Variants in ACE observed in about 807,000 individuals in gnomAD.
ACE encodes angiotensin-converting enzyme.
In ACE, 122 loss-of-function variants were observed where a neutral mutation model predicts 162.3. The ratio of observed to expected loss-of-function variants is 0.75; its 90% CI spans 0.65 to 0.87. The LOEUF (loss-of-function observed/expected upper bound fraction) is 0.87. Among genes scored for constraint, ACE ranks in the 40% least tolerant of loss-of-function variants. The pLI, the probability that ACE is intolerant of heterozygous loss-of-function variation, is 0.00. For synonymous variants in ACE, 796 were observed against 720.6 expected (o/e 1.10, Z -1.68); for missense variants, 1,799 against 1,735.1 (o/e 1.04, Z -0.65).
At chr17:63,482,375 C>A in intron 7 of ACE, 91 bp from the exon 8 acceptor site, 1 of 1,175,836 alleles carries the variant, frequency 8.5e-7, no homozygotes, top group South Asian at 1.3e-5. Flanking sequence ...CCTCCTCATT[C>A]CTGTCTTTCA....
intron 22 of ACE, chr17:63,496,185 A>C: frequency 1.5e-6 from 1 of 660,426 alleles, no homozygotes; most frequent in South Asian, 1.8e-5. Context: ...GCATCTACAC[A>C]GGCACGGCTA....
intron 4 of ACE, 64 bp downstream of exon 4, chr17:63,479,976 G>A (rs1174944326): frequency 6.4e-6 from 10 of 1,555,160 alleles, no homozygotes; most frequent in Non-Finnish European, 4.3e-6. Context: ...TCTCCCCAGA[G>A]TCCCAGCCCA....
At chr17:63,487,465 T>C (rs966492116) in intron 15 of ACE, among the ~76,000 whole-genome samples, 3 of 152,022 alleles carry the variant, frequency 2.0e-5, no homozygotes, top group African/African-American at 7.2e-5. Context: ...TTCCTCACCT[T>C]CTCTGTCTTT....
In ACE at chr17:63,495,296, TG is replaced by T. The variant is rs199613273; in HGVS notation, c.3380+829del. On this transcript the variant is annotated intron_variant, in intron 22 of 24. Transcript: ENST00000290866. ...GCTGTTTGTGATCCGGGAGGCTCCC[TG>T]GGAGGCTGGGGGCTAGAGAGACCTC... Among the ~76,000 whole-genome samples the T allele has an allele frequency of 1.8e-3, 269 of 152,274 alleles. 6 individuals are homozygous for T. The East Asian group carries it at 0.05, about 28-fold the overall frequency.
chr17:63,486,746 G>C (rs773635631), intron 14 of ACE, 31 bp downstream of exon 14: 66 of 1,613,802 alleles, frequency 4.1e-5, no homozygotes, highest in Admixed American at 1.5e-4. Context: ...AGGGAGAGGG[G>C]AATCCTGGGG....
chr17:63,496,111 G>T, intron 22 of ACE: 1 of 480,004 alleles, frequency 2.1e-6, no homozygotes, highest in Middle Eastern at 5.8e-4. Flanking sequence ...GATCTCTGAA[G>T]GCTCTGCCCT....
intron 14 of ACE, 56 bp downstream of exon 14, chr17:63,486,771 CAG>C: frequency 3.1e-6 from 5 of 1,609,038 alleles, no homozygotes; most frequent in Non-Finnish European, 4.3e-6. Flanking sequence ...GAGCCCAACA[CAG>C]GGTCTGGCCT....
chr17:63,491,653 T>G lies in ACE; in HGVS notation c.2912+272T>G, dbSNP rs1360441478. ...AGTCCTGGGTTTGAGCATGGTAGGC[T>G]GCCCCGCGTCCCTCCTTGGGAGCAG... is the stretch of plus-strand genomic sequence containing the variant. On this transcript the variant is annotated intron_variant, in intron 19 of 24. Coordinates refer to ENST00000290866, the MANE Select transcript of ACE (RefSeq NM_000789.4). This position sits in a 1 kb window ranked among gnomAD's most constrained non-coding sequence, Gnocchi z 4.4. Among the ~76,000 whole-genome samples the G allele has an allele frequency of 6.6e-6, 1 of 152,156 alleles. No individual in the cohort carries two copies. Among genetic ancestry groups the G allele is most frequent in the Non-Finnish European group, 1.5e-5 (1 of 68,016 alleles).
At chr17:63,494,351 A>G in intron 21 of ACE, 21 bp from the exon 22 acceptor site, 1 of 1,610,302 alleles carries the variant, frequency 6.2e-7, no homozygotes, top group Non-Finnish European at 8.5e-7. Flanking sequence ...TCATCTTCCA[A>G]CATATATTCC....
In ACE at chr17:63,491,380, C is replaced by A; in HGVS notation, c.2911C>A (p.Arg971=). The A allele has an allele frequency of 6.2e-7, 1 of 1,614,100 alleles. No homozygotes were observed. Residue 971 remains arginine, a splice_region_variant and synonymous_variant, in exon 19 of 25, where the codon CGG becomes AGG. Coordinates refer to ENST00000290866, the MANE Select transcript of ACE (RefSeq NM_000789.4). This position sits in a 1 kb window ranked among gnomAD's most constrained non-coding sequence, Gnocchi z 4.4. ...GGACTTCTACAACGGCAAGGACTTC[C>A]GGTACATCCAGCTAGGGCTCAGGTC... The part of the protein sequence containing the change: ...AWDFYNGKDF[R]IKQCTTVNLE...
At chr17:63,483,626 T>C (rs2029861178) in intron 10 of ACE, 68 bp downstream of exon 10, 2 of 1,317,074 alleles carry the variant, frequency 1.5e-6, no homozygotes, top group Non-Finnish European at 2.1e-6. Flanking sequence ...CCTCCTGTGA[T>C]CCTAGCTGCC....
Position 63,497,849 on chromosome 17 carries a change from C to T in ACE, c.*483C>T. 3.0e-6 allele frequency: 1 copy of T among 330,448 alleles called. No individual in the cohort carries two copies. Among genetic ancestry groups the T allele is most frequent in the South Asian group, 2.5e-5 (1 of 40,080 alleles). The allele number at this position is 330,448 out of a possible 1,614,324, so 20.5% of individuals were successfully genotyped here. A position where few individuals can be genotyped will look rare whatever the true frequency, so the allele number is the denominator to read the frequency against. On this transcript the variant is annotated 3_prime_UTR_variant, in exon 25 of 25. Coordinates refer to ENST00000290866, the MANE Select transcript of ACE (RefSeq NM_000789.4). ...CACCGCAGGCAGCCCCTGTCTGGCC[C>T]AAGCACTGACCCACGCGGACTCTGG... is the stretch of plus-strand genomic sequence containing the variant.
chr17:63,482,058 A>T (rs1168017067), intron 7 of ACE, among the ~76,000 whole-genome samples: 1 of 152,168 alleles, frequency 6.6e-6, no homozygotes, highest in Non-Finnish European at 1.5e-5. Flanking sequence ...GCACTTTGGG[A>T]GGTCAAGGCG....
intron 17 of ACE, among the ~76,000 whole-genome samples, chr17:63,489,593 A>G (rs116589672): frequency 0.015 from 2,282 of 152,286 alleles, 45 homozygotes; most frequent in Middle Eastern, 0.054. Context: ...GAACCTGAGA[A>G]TGTAAATCTA....
intron 19 of ACE, among the ~76,000 whole-genome samples, 168 bp from the exon 20 acceptor site, chr17:63,493,268 T>TA (rs2030498825): frequency 6.6e-6 from 1 of 152,136 alleles, no homozygotes; most frequent in South Asian, 2.1e-4. Context: ...GATTCCCTCT[T>TA]ACGCACACTC....
chr17:63,490,718 C>G (rs2030312269), intron 17 of ACE: 1 of 565,292 alleles, frequency 1.8e-6, no homozygotes, highest in South Asian at 1.8e-5. Context: ...TGAAGACCAC[C>G]TGGATTCCCT....
chr17:63,483,567 G>GCGGGGGGGGGCGCCCCCCCCCC lies in ACE; in HGVS notation c.1586+10_1586+11insGGGGGGGGGCGCCCCCCCCCCC. On this transcript the variant is annotated intron_variant, in intron 10 of 24. Transcript: ENST00000290866. ...GTGACACCATACATCAGGTATTAGCGCCCCCACCCCACCCACCCCCAGTAC... is the reference window on the plus strand; with the variant it reads ...GTGACACCATACATCAGGTATTAGCGCGGGGGGGGGCGCCCCCCCCCCCCCCCACCCCACCCACCCCCAGTAC... 1 of 1,589,574 alleles carries GCGGGGGGGGGCGCCCCCCCCCC rather than the reference G, an allele frequency of 6.3e-7. No homozygotes were observed. Among genetic ancestry groups the GCGGGGGGGGGCGCCCCCCCCCC allele is most frequent in the Non-Finnish European group, 8.6e-7 (1 of 1,165,682 alleles).
At chr17:63,482,389 G>C (rs2147533218) in intron 7 of ACE, 77 bp from the exon 8 acceptor site, 2 of 1,337,254 alleles carry the variant, frequency 1.5e-6, no homozygotes, top group South Asian at 2.4e-5. Flanking sequence ...TCTTTCAGGT[G>C]CCAATCTGCC....
rs141790596 is a variant in ACE at position 63,486,565 on chromosome 17, G to A, written c.2067G>A (p.Lys689=). ...TTETSKILLQ[K]NMQIANHTLK... ...TCCCCCTGTGCCCTCAGCTGCAGAA[G>A]AACATGCAAATAGCCAACCACACCC... Residue 689 remains lysine (K), a synonymous_variant, in exon 14 of 25, where the codon AAG becomes AAA. Transcript: ENST00000290866. 1 of 1,614,198 alleles carries A rather than the reference G, an allele frequency of 6.2e-7. No homozygotes were observed. Among genetic ancestry groups the A allele is most frequent in the Non-Finnish European group, 8.5e-7 (1 of 1,180,030 alleles).
Sources: gnomAD v4.1 joint callset for allele counts (sites outside exome capture counted in the v4.1 genomes callset) on GRCh38, gnomAD v4.1.1 for gene constraint, Gnocchi (gnomAD v3.1) non-coding constraint, MANE v1.5 for transcripts, NCBI Gene and HGNC (gene_info 2026-07-23, HGNC 2026-07-21) for gene names.